The following SLCO1C1 variants were observed in gnomAD, a reference collection of about 807,000 sequenced individuals.
SLCO1C1 encodes OAT-RP-5.
A neutral mutation model predicts 76.4 loss-of-function variants in SLCO1C1; 70 were observed. The observed-to-expected ratio is 0.92, with a 90% CI of 0.76 to 1.12. The LOEUF (loss-of-function observed/expected upper bound fraction) is 1.12. Ranked by LOEUF, SLCO1C1 falls within the 50% of genes most tolerant of loss-of-function variation. SLCO1C1 has a pLI of 0.00. For synonymous variants in SLCO1C1, 306 were observed against 286.1 expected (o/e 1.07, Z -0.70); for missense variants, 912 against 823.8 (o/e 1.11, Z -1.31).
At chr12:20,723,305 C>T (rs775660321) in intron 9 of SLCO1C1, 51 bp downstream of exon 9, 21 of 1,562,652 alleles carry the variant, frequency 1.3e-5, no homozygotes, top group East Asian at 1.2e-4. Context: ...CTTAGAGGTA[C>T]CTGATTAACT....
At chr12:20,742,157 C>T (rs562683328) in intron 12 of SLCO1C1, among the ~76,000 whole-genome samples, 286 of 152,252 alleles carry the variant, frequency 1.9e-3, no homozygotes, top group African/African-American at 6.7e-3. Context: ...AATGGCAAAA[C>T]ATTGACCTAG....
At chr12:20,701,176 TGAATTA>T in intron 2 of SLCO1C1, 136 bp from the exon 3 acceptor site, 1 of 810,520 alleles carries the variant, frequency 1.2e-6, no homozygotes, top group Middle Eastern at 3.0e-4. Flanking sequence ...GAACAGTGTT[TGAATTA>T]AAGTTTCAGT....
At chr12:20,722,969 T>C (rs758395750) in intron 8 of SLCO1C1, 121 bp from the exon 9 acceptor site, 8 of 815,434 alleles carry the variant, frequency 9.8e-6, no homozygotes, top group Non-Finnish European at 1.4e-5. Flanking sequence ...TGTACCACAC[T>C]GTGACTACTC....
Position 20,743,276 on chromosome 12 carries a change from T to A in SLCO1C1, c.1734-29T>A, listed in dbSNP as rs570051144. ...TATTTGCTTTAATGGATTATATATTTCTTGTAATGGTGCTTTTGTTGATTT... is the reference window on the plus strand; with the variant it reads ...TATTTGCTTTAATGGATTATATATTACTTGTAATGGTGCTTTTGTTGATTT... On this transcript the variant is annotated intron_variant, in intron 12 of 14. Transcript: ENST00000266509. 38 of 1,603,120 alleles carry A rather than the reference T, an allele frequency of 2.4e-5. No homozygotes were observed. The South Asian group carries it at 4.2e-4, about 18-fold the overall frequency.
At chr12:20,718,464 C>A (rs768883717) in intron 7 of SLCO1C1, among the ~76,000 whole-genome samples, 1 of 152,054 alleles carries the variant, frequency 6.6e-6, no homozygotes, top group East Asian at 1.9e-4. Context: ...CTTTTTATGA[C>A]GAATAAGATA....
At chr12:20,709,078 CTATT>C in intron 4 of SLCO1C1, among the ~76,000 whole-genome samples, 1 of 152,108 alleles carries the variant, frequency 6.6e-6, no homozygotes, top group Admixed American at 6.6e-5. Context: ...AGCAGGGAGA[CTATT>C]TAGGAGGCTA....
At chr12:20,724,441 ATATATATATATGTGTGTGTG>A (rs1947848690) in intron 9 of SLCO1C1, among the ~76,000 whole-genome samples, 1 of 108,594 alleles carries the variant, frequency 9.2e-6, no homozygotes, top group Non-Finnish European at 1.9e-5. Flanking sequence ...ATATATATAT[ATATATATATATGTGTGTGTG>A]TGTGTGTGTG....
intron 9 of SLCO1C1, among the ~76,000 whole-genome samples, 179 bp from the exon 10 acceptor site, chr12:20,732,730 G>T (rs1019571436): frequency 6.6e-6 from 1 of 152,064 alleles, no homozygotes; most frequent in African/African-American, 2.4e-5. Context: ...AGACTGTGCA[G>T]TTGTACCACC....
At chr12:20,710,490 G>A (rs969683835) in intron 4 of SLCO1C1, among the ~76,000 whole-genome samples, 4 of 152,044 alleles carry the variant, frequency 2.6e-5, no homozygotes, top group Non-Finnish European at 5.9e-5. Flanking sequence ...CAAAGAGTGT[G>A]GAGAACGTGG....
In SLCO1C1 at chr12:20,722,377, G is replaced by A. The variant is rs112548366; in HGVS notation, c.1021+328G>A. Among the ~76,000 whole-genome samples, 19 of 152,330 alleles carry A rather than the reference G, an allele frequency of 1.2e-4. 2 individuals are homozygous for A. The highest frequency in any genetic ancestry group is 4.6e-4 in the African/African-American group (19 of 41,580). On this transcript the variant is annotated intron_variant, in intron 8 of 14. Transcript: ENST00000266509. ...AAAGGCTTAATCTTCAAGGTTGGCA[G>A]CCTTTCAACAGATAAGATCTATTCA...
intron 4 of SLCO1C1, among the ~76,000 whole-genome samples, chr12:20,708,608 G>T (rs1485218869): frequency 1.3e-5 from 2 of 152,120 alleles, no homozygotes; most frequent in Non-Finnish European, 2.9e-5. Flanking sequence ...GTGGATATCT[G>T]GGAAAGAAGA....
chr12:20,743,799 TA>T (rs1372902253), intron 13 of SLCO1C1, among the ~76,000 whole-genome samples: 1 of 151,982 alleles, frequency 6.6e-6, no homozygotes, highest in East Asian at 1.9e-4. Context: ...CTTATGTTAT[TA>T]GGTAGAAAAA....
chr12:20,742,733 G>A (rs1948879135), intron 12 of SLCO1C1, among the ~76,000 whole-genome samples: 1 of 150,002 alleles, frequency 6.7e-6, no homozygotes. Context: ...GTAGAGACGG[G>A]GTTTCACCGT....
At chr12:20,702,281 CTT>C (rs898169596) in intron 3 of SLCO1C1, among the ~76,000 whole-genome samples, 21 of 152,000 alleles carry the variant, frequency 1.4e-4, no homozygotes, top group African/African-American at 4.8e-4. Context: ...TTTTTCAACT[CTT>C]TAACAATTTA....
rs749343295 is a variant in SLCO1C1 at position 20,733,036 on chromosome 12, A to G, written c.1314A>G (p.Leu438=). ...YLGSSVFGYL[L]FLSLFALGCE... ...GATCATCTGTCTTTGGTTACCTCCT[A>G]TTTCTTTCCCTGTTTGCACTGGGCT... The change falls in exon 10 of 15, where the codon CTA becomes CTG. Residue 438 remains leucine, a synonymous_variant. Coordinates refer to ENST00000266509, the MANE Select transcript of SLCO1C1 (RefSeq NM_017435.5). The G allele has an allele frequency of 1.9e-6, 3 of 1,613,252 alleles. No individual in the cohort carries two copies. The highest frequency in any genetic ancestry group is 2.5e-6 in the Non-Finnish European group (3 of 1,179,712).
chr12:20,747,857 G>A (rs1949120770), intron 13 of SLCO1C1, among the ~76,000 whole-genome samples: 1 of 152,076 alleles, frequency 6.6e-6, no homozygotes, highest in South Asian at 2.1e-4. Flanking sequence ...AGATAGCAAT[G>A]AACTCCCATT....
At position 20,715,243 on chromosome 12, in the gene SLCO1C1, C is replaced by T. The variant is rs1947309231; in HGVS notation, c.634C>T (p.Leu212=). 1 of 1,613,864 alleles carries T rather than the reference C, an allele frequency of 6.2e-7. No homozygotes were observed. The highest frequency in any genetic ancestry group is 1.3e-5 in the African/African-American group (1 of 74,914). ...TPIQPLGIAY[L]DDFASEDNAA... ...CATTCAGCCTTTGGGCATTGCCTAC[C>T]TGGATGATTTTGCCAGTGAAGACAA... is the stretch of plus-strand genomic sequence containing the variant. Residue 212 remains leucine, a synonymous_variant, in exon 6 of 15, where the codon CTG becomes TTG. Coordinates refer to ENST00000266509, the MANE Select transcript of SLCO1C1 (RefSeq NM_017435.5).
At chr12:20,732,335 G>A (rs1913820) in intron 9 of SLCO1C1, among the ~76,000 whole-genome samples, 105,098 of 152,020 alleles carry the variant, frequency 0.69, 39,369 homozygotes, top group South Asian at 0.87. Context: ...TAATATGCCT[G>A]CTCTTAAGGT....
chr12:20,720,444 C>T (rs1174167862), intron 7 of SLCO1C1, among the ~76,000 whole-genome samples: 1 of 152,080 alleles, frequency 6.6e-6, no homozygotes, highest in Non-Finnish European at 1.5e-5. Flanking sequence ...GATTTCTAAT[C>T]TAGACAAAGT....
Sources: gnomAD v4.1 joint callset for allele counts (sites outside exome capture counted in the v4.1 genomes callset) on GRCh38, gnomAD v4.1.1 for gene constraint, MANE v1.5 for transcripts, NCBI Gene and HGNC (gene_info 2026-07-23, HGNC 2026-07-21) for gene names.